The following ADAMTS19 variants were observed in gnomAD, a reference collection of about 807,000 sequenced individuals.
The protein encoded by ADAMTS19 is ADAM metallopeptidase with thrombospondin type 1 motif 19.
In ADAMTS19, 93 loss-of-function variants were observed where a neutral mutation model predicts 153.3. The ratio of observed to expected loss-of-function variants is 0.61; its 90% CI spans 0.51 to 0.72. ADAMTS19 has a LOEUF of 0.72. Among genes scored for constraint, ADAMTS19 ranks in the 30% least tolerant of loss-of-function variants. The pLI is 0.00. For synonymous variants in ADAMTS19, 600 were observed against 556.6 expected (o/e 1.08, Z -1.10); for missense variants, 1,482 against 1,552.1 (o/e 0.95, Z 0.76).
intron 2 of ADAMTS19, among the ~76,000 whole-genome samples, chr5:129,483,194 T>A (rs566730617): frequency 3.3e-4 from 51 of 152,322 alleles, no homozygotes; most frequent in Non-Finnish European, 2.5e-4. Flanking sequence ...CAATAATTTA[T>A]CTAGGCTTCC....
At chr5:129,732,830 G>A (rs183359692) in intron 21 of ADAMTS19, among the ~76,000 whole-genome samples, 6 of 152,040 alleles carry the variant, frequency 3.9e-5, no homozygotes, top group Admixed American at 2.6e-4. Flanking sequence ...AATTCATACA[G>A]AACTCCAAAA....
intron 19 of ADAMTS19, among the ~76,000 whole-genome samples, chr5:129,701,094 G>A (rs887677332): frequency 2.0e-5 from 3 of 151,262 alleles, no homozygotes; most frequent in African/African-American, 7.3e-5. Flanking sequence ...TTCCCGTGCT[G>A]TTCTCATGAT....
In ADAMTS19 at chr5:129,595,082, T is replaced by A. The variant is rs145772044; in HGVS notation, c.1373-1477T>A. On this transcript the variant is annotated intron_variant, in intron 7 of 22. Transcript: ENST00000274487. ...GTCTTTTTGCTGTTTCTTCATGTAG[T>A]TATGTTTCTAAAAATAATATGTTCA... 5.3e-4 allele frequency among the ~76,000 whole-genome samples: 81 copies of A among 152,268 alleles called. No homozygotes were observed. The East Asian group carries it at 0.013, about 24-fold the overall frequency.
intron 15 of ADAMTS19, among the ~76,000 whole-genome samples, chr5:129,663,989 A>G (rs756163142): frequency 3.9e-5 from 6 of 152,132 alleles, no homozygotes; most frequent in Non-Finnish European, 7.4e-5. Context: ...AAGGCAGTTC[A>G]TCTATTTACT....
At chr5:129,547,919 T>A (rs1752922013) in intron 6 of ADAMTS19, among the ~76,000 whole-genome samples, 1 of 150,798 alleles carries the variant, frequency 6.6e-6, no homozygotes, top group African/African-American at 2.5e-5. Context: ...AAACAAGCAA[T>A]GGGGAAAGGA....
chr5:129,503,823 A>G (rs533239681), intron 2 of ADAMTS19, among the ~76,000 whole-genome samples: 3 of 152,142 alleles, frequency 2.0e-5, no homozygotes, highest in East Asian at 3.9e-4. Flanking sequence ...GTGACACTCC[A>G]TCTCAAAAAA....
chr5:129,558,990 A>G (rs1753409542), intron 7 of ADAMTS19, among the ~76,000 whole-genome samples: 1 of 152,114 alleles, frequency 6.6e-6, no homozygotes, highest in Non-Finnish European at 1.5e-5. Context: ...ATTAATATTT[A>G]AAATGTATGC....
At position 129,582,708 on chromosome 5, in the gene ADAMTS19, G is replaced by A. The variant is rs971555543; in HGVS notation, c.1373-13851G>A. Among the ~76,000 whole-genome samples the A allele has an allele frequency of 2.0e-5, 3 of 151,574 alleles. No individual in the cohort carries two copies. The East Asian group carries it at 5.8e-4, about 29-fold the overall frequency. ...CTGCCTCAGCCTCTCGAGTAGCTGGGACTACAGGCGCCCACCACCATGCCC... is the reference window on the plus strand; with the variant it reads ...CTGCCTCAGCCTCTCGAGTAGCTGGAACTACAGGCGCCCACCACCATGCCC... On this transcript the variant is annotated intron_variant, in intron 7 of 22. Transcript: ENST00000274487.
intron 3 of ADAMTS19, 133 bp downstream of exon 3, chr5:129,509,375 GT>G: frequency 1.2e-6 from 1 of 835,172 alleles, no homozygotes; most frequent in Non-Finnish European, 1.8e-6. Flanking sequence ...ACAATTAAAT[GT>G]ATCAATTATA....
chr5:129,509,327 G>A, intron 3 of ADAMTS19, 85 bp downstream of exon 3: 1 of 1,182,542 alleles, frequency 8.5e-7, no homozygotes, highest in Non-Finnish European at 1.2e-6. Context: ...CTATTTACTA[G>A]CTTTACTTAT....
chr5:129,625,879 T>C (rs34002689), intron 10 of ADAMTS19, among the ~76,000 whole-genome samples: 13,170 of 152,218 alleles, frequency 0.087, 637 homozygotes, highest in Middle Eastern at 0.15. Flanking sequence ...TGGCTTTTGT[T>C]GCCATTGCTT....
chr5:129,509,144 C>A lies in ADAMTS19; in HGVS notation c.815C>A (p.Thr272Lys). 1 of 1,612,122 alleles carries A rather than the reference C, an allele frequency of 6.2e-7. No individual in the cohort carries two copies. Among genetic ancestry groups the A allele is most frequent in the Non-Finnish European group, 8.5e-7 (1 of 1,178,750 alleles). Residue 272 changes from threonine to lysine, a missense_variant, in exon 3 of 23, where the codon ACA (threonine) becomes AAA (lysine). By Grantham distance (78) the Thr-to-Lys change is moderately conservative. Transcript: ENST00000274487. ...CCACTCAATGATACAATGGCCATAA[C>A]AGGTCACCCACACCGTGTATATAGG... The part of the protein sequence containing the change: ...IEPLNDTMAI[T>K]GHPHRVYRQK...
At chr5:129,571,903 GA>G (rs1409372392) in intron 7 of ADAMTS19, among the ~76,000 whole-genome samples, 2 of 151,614 alleles carry the variant, frequency 1.3e-5, no homozygotes, top group Non-Finnish European at 3.0e-5. Context: ...GCTATCCAAT[GA>G]AAAAAGTTTT....
intron 2 of ADAMTS19, among the ~76,000 whole-genome samples, chr5:129,477,113 T>G (rs1386563894): frequency 1.3e-5 from 2 of 152,160 alleles, no homozygotes; most frequent in African/African-American, 4.8e-5. Flanking sequence ...CTATTTAAGT[T>G]GACTGTAGGT....
At chr5:129,561,635 A>G (rs1198958474) in intron 7 of ADAMTS19, among the ~76,000 whole-genome samples, 1 of 152,218 alleles carries the variant, frequency 6.6e-6, no homozygotes, top group Non-Finnish European at 1.5e-5. Context: ...GAATGGGACA[A>G]TGTAGAACCT....
chr5:129,548,685 CAA>C (rs1752954202), intron 6 of ADAMTS19, among the ~76,000 whole-genome samples: 1 of 151,756 alleles, frequency 6.6e-6, no homozygotes, highest in Non-Finnish European at 1.5e-5. Flanking sequence ...GGTATATACC[CAA>C]AAGATTATAA....
chr5:129,545,783 T>C (rs1287128317), intron 6 of ADAMTS19, among the ~76,000 whole-genome samples: 1 of 150,870 alleles, frequency 6.6e-6, no homozygotes, highest in Non-Finnish European at 1.5e-5. Flanking sequence ...TTTACACTGT[T>C]GGTGGGACTG....
intron 7 of ADAMTS19, among the ~76,000 whole-genome samples, chr5:129,553,185 T>C (rs1753193361): frequency 6.6e-6 from 1 of 152,074 alleles, no homozygotes; most frequent in Non-Finnish European, 1.5e-5. Flanking sequence ...CCAAAAGCCT[T>C]GTTTGATAGG....
Position 129,701,596 on chromosome 5 carries a change from C to A in ADAMTS19, c.3159+4C>A, listed in dbSNP as rs140399916. The A allele has an allele frequency of 1.1e-5, 17 of 1,613,448 alleles. No homozygotes were observed. The highest frequency in any genetic ancestry group is 1.4e-5 in the Non-Finnish European group (17 of 1,179,554). On this transcript the variant is annotated splice_donor_region_variant and intron_variant, in intron 20 of 22. Transcript: ENST00000274487. Reference sequence around the variant, plus strand: ...GGAGGCGGGAGTGTGGTCTGAGGTGCATACATGCCCCCTTTCTTTCCCCAT... The same window carrying A: ...GGAGGCGGGAGTGTGGTCTGAGGTGAATACATGCCCCCTTTCTTTCCCCAT...
Sources: gnomAD v4.1 joint callset for allele counts (sites outside exome capture counted in the v4.1 genomes callset) on GRCh38, gnomAD v4.1.1 for gene constraint, MANE v1.5 for transcripts, NCBI Gene and HGNC (gene_info 2026-07-23, HGNC 2026-07-21) for gene names.